Variants in RYR2 observed in about 807,000 individuals in gnomAD.
RYR2 encodes cardiac muscle ryanodine receptor-calcium release channel.
In RYR2, 227 loss-of-function variants were observed where a neutral mutation model predicts 601.1. The ratio of observed to expected loss-of-function variants is 0.38; its 90% CI spans 0.34 to 0.42. The LOEUF (loss-of-function observed/expected upper bound fraction) is 0.42, where lower values mean the gene tolerates loss of function less well. RYR2 is among the 10% of genes least tolerant of loss of function. RYR2 has a pLI of 1.00. For missense variants in RYR2, 4,646 were observed against 6,156.5 expected (o/e 0.75, Z 8.21); for synonymous variants, 2,223 against 2,175.1 (o/e 1.02, Z -0.61).
chr1:237,084,113 A>T (rs1279758847), intron 1 of RYR2, among the ~76,000 whole-genome samples: 1 of 152,024 alleles, frequency 6.6e-6, no homozygotes, highest in Non-Finnish European at 1.5e-5. Flanking sequence ...CTGCCCCCAC[A>T]TTCCATTCTC....
intron 2 of RYR2, among the ~76,000 whole-genome samples, chr1:237,319,064 T>A (rs1220438536): frequency 6.6e-6 from 1 of 152,192 alleles, no homozygotes; most frequent in Non-Finnish European, 1.5e-5. Context: ...TATCACTGAT[T>A]CTTCTTCAAT....
intron 87 of RYR2, among the ~76,000 whole-genome samples, chr1:237,774,485 C>T (rs1361450564): frequency 6.6e-6 from 1 of 152,140 alleles, no homozygotes; most frequent in Non-Finnish European, 1.5e-5. Flanking sequence ...GGAAGACCTC[C>T]TCCAGGCTCA....
chr1:237,424,746 T>A (rs761663725), intron 12 of RYR2, among the ~76,000 whole-genome samples: 24 of 152,248 alleles, frequency 1.6e-4, no homozygotes, highest in Non-Finnish European at 3.2e-4. Flanking sequence ...ACCAATTTTC[T>A]GTATGCTTAA....
At position 237,818,935 on chromosome 1, in the gene RYR2, T is replaced by G. The variant is rs183059786; in HGVS notation, c.14434-101T>G. 3.8e-6 allele frequency: 4 copies of G among 1,054,424 alleles called. No individual in the cohort carries two copies. In the African/African-American group the frequency reaches 4.8e-5, roughly 13 times the overall value. The allele number at this position is 1,054,424 out of a possible 1,614,324, so 65.3% of individuals were successfully genotyped here. A position where few individuals can be genotyped will look rare whatever the true frequency, so the allele number is the denominator to read the frequency against. Reference sequence around the variant, plus strand: ...CAATATAGAATGCAAAAATTCTCATTTCCAGAGTGAGGATTAGGAACTACA... The same window carrying G: ...CAATATAGAATGCAAAAATTCTCATGTCCAGAGTGAGGATTAGGAACTACA... On this transcript the variant is annotated intron_variant, in intron 100 of 104. Transcript: ENST00000366574.
At chr1:237,320,852 C>T (rs1695557463) in intron 2 of RYR2, among the ~76,000 whole-genome samples, 1 of 152,160 alleles carries the variant, frequency 6.6e-6, no homozygotes, top group Non-Finnish European at 1.5e-5. Context: ...TGTGAGGCTA[C>T]CAGCTTCTAA....
intron 62 of RYR2, among the ~76,000 whole-genome samples, chr1:237,682,745 T>C (rs749774085): frequency 2.0e-5 from 3 of 152,132 alleles, no homozygotes; most frequent in African/African-American, 7.2e-5. Context: ...CTTCTACTAA[T>C]AGAAAAAGCG....
At chr1:237,248,761 T>A (rs1330532875) in intron 1 of RYR2, among the ~76,000 whole-genome samples, 2 of 18,196 alleles carry the variant, frequency 1.1e-4, no homozygotes, top group South Asian at 2.2e-3. Flanking sequence ...GAATGTACAT[T>A]TTTTTTTTTT....
intron 25 of RYR2, among the ~76,000 whole-genome samples, chr1:237,534,217 T>C (rs896630044): frequency 6.6e-6 from 1 of 151,920 alleles, no homozygotes; most frequent in African/African-American, 2.4e-5. Flanking sequence ...TAAACAAAAT[T>C]AATATTAAGA....
intron 1 of RYR2, among the ~76,000 whole-genome samples, chr1:237,221,878 T>G (rs778357257): frequency 1.2e-4 from 18 of 152,196 alleles, no homozygotes; most frequent in Non-Finnish European, 1.9e-4. Context: ...TTTCCATTTT[T>G]GTAAATGACA....
intron 1 of RYR2, among the ~76,000 whole-genome samples, chr1:237,047,927 A>G (rs1421476554): frequency 6.6e-6 from 1 of 152,156 alleles, no homozygotes; most frequent in Non-Finnish European, 1.5e-5. Flanking sequence ...CAATGACTTC[A>G]TCCAGCTCTG....
Position 237,814,421 on chromosome 1 carries a change from TGTTGTTTCTG to T in RYR2, c.14434-4604_14434-4595del, listed in dbSNP as rs941337962. ...TTATTCACTTCATCCTGAGTTTCTT[TGTTGTTTCTG>T]GTTGTTTCTGTGGCTCTGAGAGAAC... is the stretch of plus-strand genomic sequence containing the variant. On this transcript the variant is annotated intron_variant, in intron 100 of 104. Transcript: ENST00000366574. 5.3e-5 allele frequency among the ~76,000 whole-genome samples: 8 copies of T among 152,302 alleles called. No individual in the cohort carries two copies. The East Asian group carries it at 5.8e-4, about 11-fold the overall frequency.
chr1:237,354,676 A>C (rs1029383695), intron 3 of RYR2, among the ~76,000 whole-genome samples: 2 of 152,072 alleles, frequency 1.3e-5, no homozygotes, highest in Non-Finnish European at 2.9e-5. Flanking sequence ...CACTCCGATA[A>C]GTTAATGTTT....
At chr1:237,395,789 G>A (rs545895065) in intron 10 of RYR2, among the ~76,000 whole-genome samples, 8 of 151,940 alleles carry the variant, frequency 5.3e-5, no homozygotes, top group Non-Finnish European at 8.8e-5. Flanking sequence ...CTCGTGATGC[G>A]CCCTCCTCGA....
chr1:237,717,429 A>G (rs1241649033), intron 72 of RYR2, 61 bp downstream of exon 72: 1 of 1,374,666 alleles, frequency 7.3e-7, no homozygotes, highest in African/African-American at 1.5e-5. Context: ...TCAGTGTTTG[A>G]TTCCTTTGTC....
chr1:237,692,426 T>C (rs1205394866), intron 63 of RYR2, among the ~76,000 whole-genome samples: 1 of 152,186 alleles, frequency 6.6e-6, no homozygotes, highest in Non-Finnish European at 1.5e-5. Flanking sequence ...CAAAACACAC[T>C]TCTCTGATTA....
chr1:237,674,590 A>G, intron 59 of RYR2, 141 bp from the exon 60 acceptor site: 2 of 449,034 alleles, frequency 4.5e-6, no homozygotes, highest in East Asian at 6.9e-5. Context: ...AGCTACAATA[A>G]CATTAGAAAA....
rs2148593486 is a variant in RYR2, at chr1:237,614,102, C to T, written c.4974C>T (p.Leu1658=). Residue 1658 remains leucine, a synonymous_variant, in exon 37 of 105, where the codon CTC becomes CTT. Transcript: ENST00000366574. This position sits in a 1 kb window ranked among gnomAD's most constrained non-coding sequence, Gnocchi z 4.3. ...TGCTGAAATTTCACTATCACACTCT[C>T]CGGCTCTACTCAGCCGTCTGTGCTC... The part of the protein sequence containing the change: ...EELLKFHYHT[L]RLYSAVCALG... The T allele has an allele frequency of 1.2e-6, 2 of 1,614,048 alleles. No homozygotes were observed. The highest frequency in any genetic ancestry group is 1.7e-6 in the Non-Finnish European group (2 of 1,179,892).
At position 237,730,313 on chromosome 1, in the gene RYR2, C is replaced by G; in HGVS notation, c.10892C>G (p.Thr3631Arg). ...LQGYEKSWIE[T>R]EEHYFEDKLI... Reference sequence around the variant, plus strand: ...GGATATGAAAAGTCTTGGATTGAAACAGAAGAACATTACTTTGAAGATAAA... The same window carrying G: ...GGATATGAAAAGTCTTGGATTGAAAGAGAAGAACATTACTTTGAAGATAAA... Residue 3631 changes from threonine (T) to arginine (R), a missense_variant, in exon 77 of 105, where the codon ACA becomes AGA. Transcript: ENST00000366574. The G allele has an allele frequency of 6.2e-7, 1 of 1,606,908 alleles. No homozygotes were observed. The highest frequency in any genetic ancestry group is 2.2e-5 in the East Asian group (1 of 44,822).
At chr1:237,142,484 A>G (rs1293052630) in intron 1 of RYR2, among the ~76,000 whole-genome samples, 2 of 152,270 alleles carry the variant, frequency 1.3e-5, no homozygotes, top group African/African-American at 2.4e-5. Context: ...GAAGGAAGCA[A>G]TATGGTAGGA....
Sources: gnomAD v4.1 joint callset for allele counts (sites outside exome capture counted in the v4.1 genomes callset) on GRCh38, gnomAD v4.1.1 for gene constraint, Gnocchi (gnomAD v3.1) non-coding constraint, MANE v1.5 for transcripts, NCBI Gene and HGNC (gene_info 2026-07-23, HGNC 2026-07-21) for gene names.